MYOT: variants seen among roughly 807,000 people sequenced by gnomAD.
MYOT encodes the protein 57 kDa cytoskeletal protein.
In MYOT, 36 loss-of-function variants were observed where a neutral mutation model predicts 58.0. The ratio of observed to expected loss-of-function variants is 0.62; its 90% CI spans 0.48 to 0.82. The LOEUF is 0.82. MYOT is among the 40% of genes least tolerant of loss of function. The pLI, the probability that MYOT is intolerant of heterozygous loss-of-function variation, is 0.00. For missense variants in MYOT, 505 were observed against 592.1 expected (o/e 0.85, Z 1.53); for synonymous variants, 218 against 204.6 (o/e 1.07, Z -0.56).
intron 7 of MYOT, 72 bp from the exon 8 acceptor site, chr5:137,885,976 A>G: frequency 1.9e-6 from 2 of 1,053,082 alleles, no homozygotes; most frequent in Non-Finnish European, 2.8e-6. Context: ...TACAAATTTC[A>G]TAATACCTTG....
intron 7 of MYOT, among the ~76,000 whole-genome samples, chr5:137,885,323 T>A (rs1755561434): frequency 1.3e-5 from 2 of 152,118 alleles, no homozygotes; most frequent in South Asian, 2.1e-4. Flanking sequence ...ATTTTTTTTT[T>A]ATAACAATAG....
chr5:137,883,517 A>T lies in MYOT; in HGVS notation c.950A>T (p.Asp317Val). The change falls in exon 7 of 10, where the codon GAT becomes GTT. Residue 317 changes from aspartate (D) to valine (V), a missense_variant. Transcript: ENST00000239926. ...SLIFEVVRAS[D>V]AGAYACVAKN... ...ATCTTTGAAGTAGTCAGAGCTTCAG[A>T]TGCAGGGGCTTATGCATGTGTTGCC... 1 of 1,614,206 alleles carries T rather than the reference A, an allele frequency of 6.2e-7. No individual in the cohort carries two copies. The highest frequency in any genetic ancestry group is 8.5e-7 in the Non-Finnish European group (1 of 1,180,024).
chr5:137,886,315 A>C, intron 8 of MYOT, 102 bp downstream of exon 8: 1 of 765,596 alleles, frequency 1.3e-6, no homozygotes. Context: ...CAATTTGTCT[A>C]GTTTTTAAAA....
chr5:137,886,959 C>T lies in MYOT; in HGVS notation c.1286C>T (p.Ala429Val). The T allele has an allele frequency of 1.2e-6, 2 of 1,613,316 alleles. No homozygotes were observed. The highest frequency in any genetic ancestry group is 2.7e-5 in the African/African-American group (2 of 75,034). ...TATACTGTGTCAGCAGTTAATGAAG[C>T]TGGAGTGACTACATGTAACACAAGA... ...GWYTVSAVNEAGVTTCNTRLD... is the reference protein window; with the variant it reads ...GWYTVSAVNEVGVTTCNTRLD... The change falls in exon 9 of 10, where the codon GCT becomes GTT. Residue 429 changes from alanine to valine, a missense_variant. Physicochemically the swap from Ala to Val is moderately conservative, Grantham distance 64. Transcript: ENST00000239926.
chr5:137,873,605 A>T (rs1755117945), intron 2 of MYOT, among the ~76,000 whole-genome samples: 1 of 152,176 alleles, frequency 6.6e-6, no homozygotes, highest in African/African-American at 2.4e-5. Flanking sequence ...GAGATCTATA[A>T]GGCCAAAGAG....
intron 4 of MYOT, 183 bp from the exon 5 acceptor site, chr5:137,880,633 G>C: frequency 1.8e-6 from 1 of 544,670 alleles, no homozygotes; most frequent in Non-Finnish European, 3.3e-6. Flanking sequence ...TGGGCTTCTT[G>C]CTAGAGTGGT....
chr5:137,883,003 A>G (rs1755484662), intron 6 of MYOT: 2 of 217,552 alleles, frequency 9.2e-6, no homozygotes, highest in East Asian at 1.3e-4. Flanking sequence ...GCATTAGATC[A>G]GGAAGCCTCA....
chr5:137,869,693 A>T (rs183554820), intron 1 of MYOT, among the ~76,000 whole-genome samples: 1 of 151,744 alleles, frequency 6.6e-6, no homozygotes, highest in Admixed American at 6.5e-5. Context: ...ACCAAAAAAC[A>T]AAATTAGTCT....
chr5:137,875,873 C>T lies in MYOT; in HGVS notation c.401C>T (p.Ser134Phe), dbSNP rs1561659812. The T allele has an allele frequency of 1.2e-6, 2 of 1,614,038 alleles. No individual in the cohort carries two copies. ...SAGQPINAKP[S>F]QTANAKPIPR... ...GGCCAACCTATAAATGCAAAGCCAT[C>T]CCAAACTGCAAATGCTAAGCCCATA... Residue 134 changes from serine (S) to phenylalanine (F), a missense_variant, in exon 3 of 10, where the codon TCC becomes TTC. By Grantham distance (155) the Ser-to-Phe change is radical. Transcript: ENST00000239926.
In MYOT at chr5:137,870,800, A is replaced by C. The variant is rs34717730; in HGVS notation, c.149A>C (p.Gln50Pro). The change falls in exon 2 of 10, where the codon CAA (glutamine) becomes CCA (proline). Residue 50 changes from glutamine to proline, a missense_variant. Coordinates refer to ENST00000239926, the MANE Select transcript of MYOT (RefSeq NM_006790.3). ...ATCCAGCCCCGCCAGTGTACAGAGC[A>C]AAGATTTTCTGCCTCCTCAACACTG... is the stretch of plus-strand genomic sequence containing the variant. The part of the protein sequence containing the change: ...IIIQPRQCTE[Q>P]RFSASSTLSS... 6.2e-7 allele frequency: 1 copy of C among 1,614,130 alleles called. No homozygotes were observed. Among genetic ancestry groups the C allele is most frequent in the Non-Finnish European group, 8.5e-7 (1 of 1,180,022 alleles).
At position 137,876,072 on chromosome 5, in the gene MYOT, C is replaced by T. The variant is rs1755204018; in HGVS notation, c.531+69C>T. On this transcript the variant is annotated intron_variant, in intron 3 of 9. Transcript: ENST00000239926. ...AAAATCTAATTTTAATAAGGAAGTT[C>T]TAGCTCACAGATCTAGGTCCATATA... 2.0e-6 allele frequency: 3 copies of T among 1,502,366 alleles called. No homozygotes were observed. The Admixed American group carries it at 5.1e-5, about 25-fold the overall frequency. The allele number at this position is 1,502,366 out of a possible 1,614,324, so 93.1% of individuals were successfully genotyped here. A position where few individuals can be genotyped will look rare whatever the true frequency, so the allele number is the denominator to read the frequency against.
rs1422628765 is a variant in MYOT, at chr5:137,878,437, G to A, written c.633+816G>A. Among the ~76,000 whole-genome samples, 3 of 151,442 alleles carry A rather than the reference G, an allele frequency of 2.0e-5. No individual in the cohort carries two copies. The Admixed American group carries it at 2.0e-4, about 10-fold the overall frequency. On this transcript the variant is annotated intron_variant, in intron 4 of 9. Coordinates refer to ENST00000239926, the MANE Select transcript of MYOT (RefSeq NM_006790.3). ...TTCACCATGCTGGCCAGGCTGGAAC[G>A]CCTCGGCCTCCAAAAGTGCTAGGAT...
chr5:137,884,248 G>A (rs1449439558), intron 7 of MYOT, among the ~76,000 whole-genome samples: 1 of 152,132 alleles, frequency 6.6e-6, no homozygotes, highest in Non-Finnish European at 1.5e-5. Flanking sequence ...CCAGCTACTA[G>A]AGAGGCTAAG....
At chr5:137,877,902 A>G (rs1184801304) in intron 4 of MYOT, among the ~76,000 whole-genome samples, 1 of 152,196 alleles carries the variant, frequency 6.6e-6, no homozygotes, top group Admixed American at 6.5e-5. Flanking sequence ...AGTTAGACCT[A>G]GGACTCTCTA....
intron 3 of MYOT, among the ~76,000 whole-genome samples, chr5:137,877,287 G>A (rs2149982939): frequency 6.9e-6 from 1 of 144,598 alleles, no homozygotes; most frequent in Non-Finnish European, 1.5e-5. Flanking sequence ...AGAATGGCGT[G>A]AACCCAGGAG....
At chr5:137,884,878 G>T (rs1580865649) in intron 7 of MYOT, among the ~76,000 whole-genome samples, 1 of 152,028 alleles carries the variant, frequency 6.6e-6, no homozygotes, top group African/African-American at 2.4e-5. Context: ...TCAGGTTAAA[G>T]GATAAACTAT....
Position 137,887,657 on chromosome 5 carries a change from A to G in MYOT, c.*272A>G, listed in dbSNP as rs2149990983. On this transcript the variant is annotated 3_prime_UTR_variant, in exon 10 of 10. Transcript: ENST00000239926. ...GGATTTTAACATTTAAGTCATGCACATTTAACAATTACAGGTTATAAATTA... is the reference window on the plus strand; with the variant it reads ...GGATTTTAACATTTAAGTCATGCACGTTTAACAATTACAGGTTATAAATTA... The G allele has an allele frequency of 5.3e-6, 1 of 190,014 alleles. No homozygotes were observed. The highest frequency in any genetic ancestry group is 1.1e-5 in the Non-Finnish European group (1 of 94,208). The allele number at this position is 190,014 out of a possible 1,614,324, so 11.8% of individuals were successfully genotyped here. A position where few individuals can be genotyped will look rare whatever the true frequency, so the allele number is the denominator to read the frequency against.
chr5:137,886,024 T>C (rs765355328), intron 7 of MYOT, 24 bp from the exon 8 acceptor site: 11 of 1,451,144 alleles, frequency 7.6e-6, no homozygotes, highest in African/African-American at 5.6e-5. Flanking sequence ...TTTCAAATAC[T>C]TGAATTTTTG....
intron 4 of MYOT, among the ~76,000 whole-genome samples, chr5:137,877,915 G>A (rs770806535): frequency 2.0e-5 from 3 of 152,070 alleles, no homozygotes; most frequent in Non-Finnish European, 4.4e-5. Flanking sequence ...ACTCTCTATG[G>A]TGTCTACACG....
Sources: gnomAD v4.1 joint callset for allele counts (sites outside exome capture counted in the v4.1 genomes callset) on GRCh38, gnomAD v4.1.1 for gene constraint, MANE v1.5 for transcripts, NCBI Gene and HGNC (gene_info 2026-07-23, HGNC 2026-07-21) for gene names.